The following DLGAP2 variants were observed in gnomAD, a reference collection of about 807,000 sequenced individuals.
DLGAP2 encodes the protein disks large-associated protein 2.
A neutral mutation model predicts 100.3 loss-of-function variants in DLGAP2; 26 were observed. The ratio of observed to expected loss-of-function variants is 0.26; its 90% CI spans 0.19 to 0.36. The LOEUF (loss-of-function observed/expected upper bound fraction) is 0.36. DLGAP2 is among the 10% of genes least tolerant of loss of function. The pLI, the probability that DLGAP2 is intolerant of heterozygous loss-of-function variation, is 1.00. For synonymous variants in DLGAP2, 886 were observed against 630.1 expected (o/e 1.41, Z -6.08); for missense variants, 1,858 against 1,453.2 (o/e 1.28, Z -4.53).
chr8:1,513,191 C>G (rs545096274), intron 4 of DLGAP2, among the ~76,000 whole-genome samples: 1 of 149,048 alleles, frequency 6.7e-6, no homozygotes, highest in Non-Finnish European at 1.5e-5. Flanking sequence ...GGCCACAGGC[C>G]AGCTCCAGGG....
intron 8 of DLGAP2, among the ~76,000 whole-genome samples, chr8:1,664,778 T>A (rs994530404): frequency 1.3e-5 from 2 of 152,238 alleles, no homozygotes; most frequent in African/African-American, 4.8e-5. Flanking sequence ...AGTCAGTCAG[T>A]GATAATCCCT....
At chr8:1,310,462 C>T (rs1028781241) in intron 3 of DLGAP2, among the ~76,000 whole-genome samples, 14 of 152,198 alleles carry the variant, frequency 9.2e-5, no homozygotes, top group South Asian at 8.3e-4. Flanking sequence ...GTAAGCAGGA[C>T]GTCTACACAG....
chr8:1,013,069 C>T (rs1010363501), intron 2 of DLGAP2, among the ~76,000 whole-genome samples: 1 of 152,132 alleles, frequency 6.6e-6, no homozygotes, highest in Non-Finnish European at 1.5e-5. Context: ...TGCTTCCAGC[C>T]CTCCGGCCCC....
Position 1,707,018 on chromosome 8 carries a change from A to G in DLGAP2, c.*5612A>G, listed in dbSNP as rs1054829761. 2 of 152,662 alleles carry G rather than the reference A, an allele frequency of 1.3e-5. No individual in the cohort carries two copies. The highest frequency in any genetic ancestry group is 2.9e-5 in the Non-Finnish European group (2 of 68,046). The allele number at this position is 152,662 out of a possible 1,614,324, so 9.5% of individuals were successfully genotyped here. On this transcript the variant is annotated 3_prime_UTR_variant, in exon 15 of 15. Transcript: ENST00000637795. ...TTAAAATAAATTATTTCAAGTTTCA[A>G]TGTAAACACTTAACAGATGACTTCT...
intron 8 of DLGAP2, among the ~76,000 whole-genome samples, chr8:1,638,286 G>A (rs1797816293): frequency 6.6e-6 from 1 of 152,094 alleles, no homozygotes; most frequent in Admixed American, 6.5e-5. Flanking sequence ...GGTCACAGGG[G>A]GCCCAAATCC....
In DLGAP2 at chr8:1,681,350, C is replaced by T. The variant is rs150104500; in HGVS notation, c.2704+2721C>T. On this transcript the variant is annotated intron_variant, in intron 12 of 14. Transcript: ENST00000637795. ...ATCTTTTAAAAAAAAATAGAATCCT[C>T]AGCTGGGCACAGTGGCTCACACCTG... Among the ~76,000 whole-genome samples, 659 of 152,060 alleles carry T rather than the reference C, an allele frequency of 4.3e-3. 17 individuals are homozygous for T. In the East Asian group the frequency reaches 0.052, roughly 12 times the overall value.
At chr8:1,083,018 A>T (rs1803861583) in intron 2 of DLGAP2, among the ~76,000 whole-genome samples, 1 of 152,200 alleles carries the variant, frequency 6.6e-6, no homozygotes, top group Non-Finnish European at 1.5e-5. Context: ...ATATATATGG[A>T]CCACAGTTAA....
intron 2 of DLGAP2, among the ~76,000 whole-genome samples, chr8:1,244,049 T>C (rs887905325): frequency 2.6e-5 from 4 of 152,004 alleles, no homozygotes; most frequent in Admixed American, 1.3e-4. Flanking sequence ...GCTCCCAGCC[T>C]CCGCACTCCA....
At chr8:1,452,507 C>T (rs1157739496) in intron 3 of DLGAP2, among the ~76,000 whole-genome samples, 4 of 152,206 alleles carry the variant, frequency 2.6e-5, no homozygotes, top group Non-Finnish European at 5.9e-5. Flanking sequence ...ATGCCCGATG[C>T]TTCTGAGCTT....
chr8:791,663 A>G (rs1356074478), intron 1 of DLGAP2, among the ~76,000 whole-genome samples: 1 of 152,232 alleles, frequency 6.6e-6, no homozygotes, highest in Admixed American at 6.5e-5. Flanking sequence ...TTGTTTTGAT[A>G]TATGCACATA....
chr8:1,377,538 C>T (rs183428371), intron 3 of DLGAP2, among the ~76,000 whole-genome samples: 14 of 152,040 alleles, frequency 9.2e-5, no homozygotes, highest in East Asian at 1.9e-4. Flanking sequence ...AGCGAGACTC[C>T]GACTCAAAAA....
At position 1,647,413 on chromosome 8, in the gene DLGAP2, C is replaced by T. The variant is rs1029891590; in HGVS notation, c.1810+14367C>T. On this transcript the variant is annotated intron_variant, in intron 8 of 14. Transcript: ENST00000637795. Reference sequence around the variant, plus strand: ...CTGAGGCAGGAGAATGGAGTGAACCCGGGAGGCAGAGCTTGCAGTGAGCCG... The same window carrying T: ...CTGAGGCAGGAGAATGGAGTGAACCTGGGAGGCAGAGCTTGCAGTGAGCCG... Among the ~76,000 whole-genome samples the T allele has an allele frequency of 1.4e-4, 20 of 139,176 alleles. No homozygotes were observed. The East Asian group carries it at 2.2e-3, about 16-fold the overall frequency. The allele number at this position is 139,176 out of a possible 152,430, so 91.3% of individuals were successfully genotyped here.
chr8:1,291,392 A>AATTT (rs1439513078), intron 3 of DLGAP2, among the ~76,000 whole-genome samples: 1 of 152,028 alleles, frequency 6.6e-6, no homozygotes, highest in African/African-American at 2.4e-5. Flanking sequence ...TTACTCTCTA[A>AATTT]AGTCACAATT....
Position 1,671,925 on chromosome 8 carries a change from A to C in DLGAP2, c.2202+2141A>C, listed in dbSNP as rs183162236. Among the ~76,000 whole-genome samples the C allele has an allele frequency of 3.2e-4, 48 of 152,336 alleles. 1 individual carries two copies. In the East Asian group the frequency reaches 8.5e-3, roughly 27 times the overall value. Reference sequence around the variant, plus strand: ...GAGAGCTTGTGGGCATGGCTGAGCTACCTCGGAGACGTCCTCTGACCCGGT... The same window carrying C: ...GAGAGCTTGTGGGCATGGCTGAGCTCCCTCGGAGACGTCCTCTGACCCGGT... On this transcript the variant is annotated intron_variant, in intron 10 of 14. Coordinates refer to ENST00000637795, the MANE Select transcript of DLGAP2 (RefSeq NM_001346810.2).
At chr8:814,257 T>A (rs1796422947) in intron 1 of DLGAP2, among the ~76,000 whole-genome samples, 1 of 152,186 alleles carries the variant, frequency 6.6e-6, no homozygotes, top group African/African-American at 2.4e-5. Context: ...TGGCCCCAGG[T>A]TGTGTAGTGC....
At chr8:888,014 A>G (rs1353392525) in intron 1 of DLGAP2, among the ~76,000 whole-genome samples, 2 of 152,122 alleles carry the variant, frequency 1.3e-5, no homozygotes, top group African/African-American at 2.4e-5. Context: ...TGGTACTCCA[A>G]TCAATCGTAG....
rs1162808496 is a variant in DLGAP2 at position 1,292,956 on chromosome 8, T to C, written c.106+34073T>C. ...CCTCCCTGCATTAGGACCCTGGGCG[T>C]GTCCGTCTCCCCCAGAGCACAACGG... On this transcript the variant is annotated intron_variant, in intron 3 of 14. Coordinates refer to ENST00000637795, the MANE Select transcript of DLGAP2 (RefSeq NM_001346810.2). Among the ~76,000 whole-genome samples, 14 of 152,172 alleles carry C rather than the reference T, an allele frequency of 9.2e-5. 1 individual carries two copies. Among genetic ancestry groups the C allele is most frequent in the Admixed American group, 6.5e-5 (1 of 15,278 alleles).
chr8:1,177,071 A>G lies in DLGAP2; in HGVS notation c.74-81780A>G, dbSNP rs534689327. Among the ~76,000 whole-genome samples, 57 of 152,298 alleles carry G rather than the reference A, an allele frequency of 3.7e-4. No homozygotes were observed. The South Asian group carries it at 3.9e-3, about 11-fold the overall frequency. Reference sequence around the variant, plus strand: ...TTCAAAAAATTATACTTTCTTTGGCATATTATAACAATATAGTCAACATGG... The same window carrying G: ...TTCAAAAAATTATACTTTCTTTGGCGTATTATAACAATATAGTCAACATGG... On this transcript the variant is annotated intron_variant, in intron 2 of 14. Coordinates refer to ENST00000637795, the MANE Select transcript of DLGAP2 (RefSeq NM_001346810.2).
chr8:1,135,644 G>A (rs1585093624), intron 2 of DLGAP2, among the ~76,000 whole-genome samples: 1 of 151,036 alleles, frequency 6.6e-6, no homozygotes, highest in Admixed American at 6.6e-5. Flanking sequence ...TCACTGCCTT[G>A]CGGCATGTCA....
Sources: gnomAD v4.1 joint callset for allele counts (sites outside exome capture counted in the v4.1 genomes callset) on GRCh38, gnomAD v4.1.1 for gene constraint, MANE v1.5 for transcripts, NCBI Gene and HGNC (gene_info 2026-07-23, HGNC 2026-07-21) for gene names.